PPP2R5C: variants seen among roughly 807,000 people sequenced by gnomAD.
PPP2R5C encodes the protein protein phosphatase 2 regulatory subunit B'gamma.
A neutral mutation model predicts 68.9 loss-of-function variants in PPP2R5C; 7 were observed. The ratio of observed to expected loss-of-function variants is 0.10; its 90% CI spans 0.06 to 0.19. The LOEUF (loss-of-function observed/expected upper bound fraction) is 0.19. PPP2R5C is among the 10% of genes least tolerant of loss of function. The pLI is 1.00. For missense variants in PPP2R5C, 348 were observed against 641.3 expected (o/e 0.54, Z 4.94); for synonymous variants, 210 against 222.2 (o/e 0.95, Z 0.49).
At chr14:101,864,503 A>G (rs1271832064) in intron 2 of PPP2R5C, among the ~76,000 whole-genome samples, 3 of 152,224 alleles carry the variant, frequency 2.0e-5, no homozygotes, top group Non-Finnish European at 4.4e-5. Flanking sequence ...AGACGTAATG[A>G]TACGAGGGCC....
intron 1 of PPP2R5C, among the ~76,000 whole-genome samples, chr14:101,851,037 G>A (rs1218178133): frequency 3.3e-5 from 5 of 152,188 alleles, no homozygotes; most frequent in Non-Finnish European, 7.3e-5. Context: ...CTGCCTTTCC[G>A]AGAGCTTGAG....
chr14:101,762,403 A>T (rs2036597112), intron 1 of PPP2R5C, among the ~76,000 whole-genome samples: 1 of 151,798 alleles, frequency 6.6e-6, no homozygotes, highest in South Asian at 2.1e-4. Flanking sequence ...GCTGGTAAGG[A>T]ATTCTCTGCC....
chr14:101,858,582 T>G (rs898474416), intron 2 of PPP2R5C, among the ~76,000 whole-genome samples: 3 of 152,178 alleles, frequency 2.0e-5, no homozygotes, highest in Non-Finnish European at 4.4e-5. Flanking sequence ...CTTCTAAAAT[T>G]ATTGAAAAAT....
Position 101,853,028 on chromosome 14 carries a change from G to A in PPP2R5C, c.95-3658G>A, listed in dbSNP as rs372567151. On this transcript the variant is annotated intron_variant, in intron 1 of 13. Coordinates refer to ENST00000334743, the Ensembl canonical transcript of PPP2R5C. Reference sequence around the variant, plus strand: ...ACTTTACTGTTACAAATCAGAATACGTAAAGGTATGAAGCATATTCTTCCA... The same window carrying A: ...ACTTTACTGTTACAAATCAGAATACATAAAGGTATGAAGCATATTCTTCCA... Among the ~76,000 whole-genome samples the A allele has an allele frequency of 1.2e-4, 19 of 152,230 alleles. No individual in the cohort carries two copies. The South Asian group carries it at 3.7e-3, about 30-fold the overall frequency.
At chr14:101,764,303 C>T (rs138490691) in intron 2 of PPP2R5C, among the ~76,000 whole-genome samples, 2 of 152,324 alleles carry the variant, frequency 1.3e-5, no homozygotes, top group African/African-American at 4.8e-5. Flanking sequence ...CCTTTTGAAT[C>T]CATGGGTAGC....
At chr14:101,787,434 G>A (rs537572222) in intron 3 of PPP2R5C, among the ~76,000 whole-genome samples, 16 of 152,056 alleles carry the variant, frequency 1.1e-4, no homozygotes, top group African/African-American at 1.9e-4. Context: ...GTGGATTTAC[G>A]GGTGGATGAA....
chr14:101,882,707 G>A lies in PPP2R5C; in HGVS notation c.405+436G>A, dbSNP rs1458272179. The A allele has an allele frequency of 6.1e-6, 1 of 164,706 alleles. No individual in the cohort carries two copies. The highest frequency in any genetic ancestry group is 2.4e-5 in the African/African-American group (1 of 41,754). 10.2% of individuals were successfully genotyped at this position (164,706 alleles called of 1,614,324 possible). A position where few individuals can be genotyped will look rare whatever the true frequency, so the allele number is the denominator to read the frequency against. ...CGCCAGGGTCGGCATGAGCAGAGCG[G>A]GGGCCAGGTGTGCGGGTGGGAGGGC... On this transcript the variant is annotated intron_variant, in intron 3 of 13. Coordinates refer to ENST00000334743, the Ensembl canonical transcript of PPP2R5C. This position sits in a 1 kb window ranked among gnomAD's most constrained non-coding sequence, Gnocchi z 4.9.
intron 3 of PPP2R5C, among the ~76,000 whole-genome samples, chr14:101,790,808 C>CCG (rs2038321771): frequency 6.6e-6 from 1 of 152,200 alleles, no homozygotes; most frequent in Non-Finnish European, 1.5e-5. Flanking sequence ...TGGCTGGGCA[C>CCG]CGTGGCTCAC....
chr14:101,851,973 A>G (rs1309450036), intron 1 of PPP2R5C, among the ~76,000 whole-genome samples: 3 of 152,174 alleles, frequency 2.0e-5, no homozygotes, highest in Non-Finnish European at 2.9e-5. Flanking sequence ...ACATGTTGCT[A>G]GCAACATCGG....
intron 1 of PPP2R5C, among the ~76,000 whole-genome samples, chr14:101,855,850 C>G (rs1389972955): frequency 6.6e-6 from 1 of 152,178 alleles, no homozygotes; most frequent in East Asian, 1.9e-4. Flanking sequence ...TTTTCTAAAC[C>G]TCTTTCTTTA....
chr14:101,837,967 CAT>C (rs963850798), intron 1 of PPP2R5C, among the ~76,000 whole-genome samples: 2 of 152,222 alleles, frequency 1.3e-5, no homozygotes, highest in East Asian at 1.9e-4. Context: ...GCCGTGTTCT[CAT>C]GTGCAGAACC....
intron 3 of PPP2R5C, among the ~76,000 whole-genome samples, chr14:101,796,304 C>A (rs982480814): frequency 6.6e-6 from 1 of 152,160 alleles, no homozygotes. Flanking sequence ...TAGAAAGAGC[C>A]GCGCAGGGAA....
intron 11 of PPP2R5C, 74 bp downstream of exon 13, chr14:101,909,764 T>C: frequency 8.7e-7 from 1 of 1,151,204 alleles, no homozygotes; most frequent in South Asian, 1.5e-5. Flanking sequence ...TTCCACTGTT[T>C]TGTCCTAAAA....
rs895688485 is a variant in PPP2R5C at position 101,879,789 on chromosome 14, C to T, written c.295-2372C>T. On this transcript the variant is annotated intron_variant, in intron 2 of 13. Coordinates refer to ENST00000334743, the Ensembl canonical transcript of PPP2R5C. This position sits in a 1 kb window ranked among gnomAD's most constrained non-coding sequence, Gnocchi z 4.2. ...CCCAGTTCACGAATGCCACACTCCC[C>T]GTAGGAGCTAAAGACTCAATTCAGA... 1.3e-5 allele frequency among the ~76,000 whole-genome samples: 2 copies of T among 152,264 alleles called. No homozygotes were observed. The highest frequency in any genetic ancestry group is 2.9e-5 in the Non-Finnish European group (2 of 68,048).
chr14:101,873,594 C>G (rs1214791434), intron 2 of PPP2R5C, among the ~76,000 whole-genome samples: 4 of 152,160 alleles, frequency 2.6e-5, no homozygotes, highest in African/African-American at 7.2e-5. Context: ...ACTGGGTTCT[C>G]ACTAATCCTT....
intron 1 of PPP2R5C, among the ~76,000 whole-genome samples, chr14:101,852,463 C>CT (rs2042218485): frequency 1.1e-4 from 14 of 126,182 alleles, no homozygotes; most frequent in Admixed American, 1.6e-4. Context: ...TTTTCATTTT[C>CT]TTTTTCTTTT....
rs919101612 is a variant in PPP2R5C, at chr14:101,913,032, G to A, written c.1326+559G>A. Among the ~76,000 whole-genome samples the A allele has an allele frequency of 1.3e-5, 2 of 152,202 alleles. No homozygotes were observed. Among genetic ancestry groups the A allele is most frequent in the South Asian group, 2.1e-4 (1 of 4,822 alleles). On this transcript the variant is annotated intron_variant, in intron 12 of 13. Transcript: ENST00000334743. This position sits in a 1 kb window ranked among gnomAD's most constrained non-coding sequence, Gnocchi z 4.1. ...CTCTGGTGAGTCTGCGCCGATGGCCGGACGTCCCGGAGCTGCCGGCAGTTC... is the reference window on the plus strand; with the variant it reads ...CTCTGGTGAGTCTGCGCCGATGGCCAGACGTCCCGGAGCTGCCGGCAGTTC...
intron 1 of PPP2R5C, chr14:101,824,063 G>T (rs1566873757): frequency 2.3e-6 from 3 of 1,289,122 alleles, no homozygotes; most frequent in Non-Finnish European, 2.0e-6. Context: ...CCTGTTGAAG[G>T]AACAGACTCC....
Position 101,917,963 on chromosome 14 carries a change from G to C in PPP2R5C, c.1443+16G>C, listed in dbSNP as rs367983422. The C allele has an allele frequency of 1.2e-6, 2 of 1,613,756 alleles. No individual in the cohort carries two copies. The highest frequency in any genetic ancestry group is 1.7e-6 in the Non-Finnish European group (2 of 1,179,802). ...GGCTCATCAGGTAAAAGTGCACCGA[G>C]CTCAGCTGGGCACCCATGACTGATT... On this transcript the variant is annotated intron_variant, in intron 13 of 13. Coordinates refer to ENST00000334743, the Ensembl canonical transcript of PPP2R5C. The surrounding 1 kb of genome is among the most constrained non-coding windows in gnomAD (Gnocchi z 4.4).
Sources: allele counts gnomAD v4.1 joint callset (sites outside exome capture counted in the v4.1 genomes callset), GRCh38; gene constraint gnomAD v4.1.1; non-coding constraint Gnocchi (gnomAD v3.1); transcripts MANE v1.5; gene names NCBI Gene and HGNC (gene_info 2026-07-23, HGNC 2026-07-21).